Variants in YME1L1 observed in about 807,000 individuals in gnomAD.
YME1L1 encodes the protein ATP-dependent zinc metalloprotease YME1L1.
A neutral mutation model predicts 90.4 loss-of-function variants in YME1L1; 39 were observed. That is an observed-to-expected ratio of 0.43 (90% CI 0.33 to 0.56). The LOEUF is 0.56. Among genes scored for constraint, YME1L1 ranks in the 20% least tolerant of loss-of-function variants. The probability of loss-of-function intolerance (pLI) is 0.03; values close to 1 mark genes in which losing one functional copy is unlikely to be tolerated. For synonymous variants in YME1L1, 284 were observed against 287.3 expected (o/e 0.99, Z 0.12); for missense variants, 617 against 868.4 (o/e 0.71, Z 3.64).
At chr10:27,124,969 T>C (rs566271978) in intron 9 of YME1L1, among the ~76,000 whole-genome samples, 4 of 152,336 alleles carry the variant, frequency 2.6e-5, no homozygotes, top group African/African-American at 9.6e-5. Context: ...TGATATTAGC[T>C]AAAGTTATCA....
At chr10:27,137,023 CAA>C (rs35090363) in intron 4 of YME1L1, among the ~76,000 whole-genome samples, 5 of 136,396 alleles carry the variant, frequency 3.7e-5, no homozygotes, top group South Asian at 4.5e-4. Context: ...ACTGTGATTT[CAA>C]AAAAAAAAAA....
chr10:27,117,811 A>T, intron 14 of YME1L1, 84 bp from the exon 15 acceptor site: 1 of 1,393,256 alleles, frequency 7.2e-7, no homozygotes, highest in Non-Finnish European at 1.0e-6. Flanking sequence ...CAAATCAAAT[A>T]CACTCCACCC....
intron 4 of YME1L1, among the ~76,000 whole-genome samples, chr10:27,136,994 T>G (rs1006646820): frequency 7.5e-5 from 11 of 146,876 alleles, no homozygotes; most frequent in Non-Finnish European, 1.2e-4. Flanking sequence ...TTTAAAAAAC[T>G]GAGTATCAAC....
chr10:27,128,734 G>A (rs1476215741), intron 8 of YME1L1, among the ~76,000 whole-genome samples: 1 of 151,550 alleles, frequency 6.6e-6, no homozygotes, highest in Non-Finnish European at 1.5e-5. Context: ...GCTAAATCCC[G>A]ACTCTACAAA....
chr10:27,124,908 G>C (rs1424605203), intron 9 of YME1L1, among the ~76,000 whole-genome samples: 6 of 152,078 alleles, frequency 3.9e-5, no homozygotes, highest in Admixed American at 3.3e-4. Flanking sequence ...CATCACTTGG[G>C]TCCTTTCTAG....
chr10:27,126,761 T>C lies in YME1L1; in HGVS notation c.884A>G (p.Gln295Arg), dbSNP rs1244126311. 1.9e-6 allele frequency: 3 copies of C among 1,589,812 alleles called. No homozygotes were observed. The African/African-American group carries it at 4.1e-5, about 22-fold the overall frequency. ...ATTTTTCAAGAATTCAACAACTTCC[T>C]GTAATTCTTGTTTAGCTTCCTCCAC... Reference protein sequence around the residue: ...KGVEEAKQELQEVVEFLKNPQ... With the variant: ...KGVEEAKQELREVVEFLKNPQ... Residue 295 changes from glutamine to arginine, a missense_variant, in exon 9 of 19, where the codon CAG (glutamine) becomes CGG (arginine). Physicochemically the swap from Gln to Arg is conservative, Grantham distance 43. Coordinates refer to ENST00000376016, the MANE Select transcript of YME1L1 (RefSeq NM_014263.4).
chr10:27,140,071 C>T (rs1418092475), intron 4 of YME1L1, among the ~76,000 whole-genome samples: 1 of 152,014 alleles, frequency 6.6e-6, no homozygotes, highest in Non-Finnish European at 1.5e-5. Context: ...GCCATCTTGG[C>T]TCACTGAAAC....
In YME1L1 at chr10:27,114,512, T is replaced by A; in HGVS notation, c.2007+9A>T. On this transcript the variant is annotated intron_variant, in intron 18 of 18. Transcript: ENST00000376016. ...TAAGAAAATAAATAAGCACAAAAAA[T>A]ATTATTACCCTTAGAAGGATTCTTA... 1 of 1,600,768 alleles carries A rather than the reference T, an allele frequency of 6.2e-7. No individual in the cohort carries two copies. The highest frequency in any genetic ancestry group is 8.5e-7 in the Non-Finnish European group (1 of 1,175,416).
At chr10:27,150,859 C>T (rs527325924) in intron 1 of YME1L1, among the ~76,000 whole-genome samples, 3 of 151,820 alleles carry the variant, frequency 2.0e-5, no homozygotes, top group East Asian at 3.9e-4. Flanking sequence ...CTATGGAGTA[C>T]CCCATTCTTT....
At chr10:27,117,879 G>A (rs1468478477) in intron 14 of YME1L1, 152 bp from the exon 15 acceptor site, 14 of 710,780 alleles carry the variant, frequency 2.0e-5, no homozygotes, top group South Asian at 4.3e-5. Context: ...AAAACTATGG[G>A]GAAGAGGAAC....
Position 27,116,365 on chromosome 10 carries a change from T to C in YME1L1, c.1720-20A>G, listed in dbSNP as rs1564455205. On this transcript the variant is annotated intron_variant, in intron 15 of 18. Coordinates refer to ENST00000376016, the MANE Select transcript of YME1L1 (RefSeq NM_014263.4). ...GGACACCTAGACAATTAAAAATTAA[T>C]CAGATAAAAAATAAGCAAAGAGGCT... The C allele has an allele frequency of 6.2e-7, 1 of 1,611,776 alleles. No homozygotes were observed. Among genetic ancestry groups the C allele is most frequent in the East Asian group, 2.2e-5 (1 of 44,854 alleles).
At chr10:27,116,390 T>C in intron 15 of YME1L1, 45 bp from the exon 16 acceptor site, 1 of 1,602,340 alleles carries the variant, frequency 6.2e-7, no homozygotes, top group Non-Finnish European at 8.5e-7. Context: ...GCAAAGAGGC[T>C]GGGTGCGGTG....
chr10:27,140,527 G>A (rs772125431), intron 4 of YME1L1, among the ~76,000 whole-genome samples: 4 of 152,144 alleles, frequency 2.6e-5, no homozygotes, highest in South Asian at 4.1e-4. Flanking sequence ...TTGCCAGGCT[G>A]GAGTTCAGTG....
chr10:27,146,667 TATGACAGC>T (rs1420411905), intron 2 of YME1L1: 2 of 152,198 alleles, frequency 1.3e-5, no homozygotes, highest in African/African-American at 4.8e-5. Flanking sequence ...TGCAGTGAGC[TATGACAGC>T]ATCACTGCAC....
chr10:27,113,368 A>G (rs998475117), intron 18 of YME1L1, among the ~76,000 whole-genome samples: 3 of 151,022 alleles, frequency 2.0e-5, no homozygotes, highest in Non-Finnish European at 4.4e-5. Context: ...CTCAAATTCA[A>G]CATACATAAT....
chr10:27,140,150 C>T (rs900632626), intron 4 of YME1L1, among the ~76,000 whole-genome samples: 3 of 152,184 alleles, frequency 2.0e-5, no homozygotes, highest in Admixed American at 2.0e-4. Flanking sequence ...CAGGCATGTG[C>T]CACCACACCT....
intron 10 of YME1L1, 86 bp from the exon 11 acceptor site, chr10:27,123,059 C>T: frequency 6.8e-7 from 1 of 1,475,466 alleles, no homozygotes. Context: ...TCCTATACAA[C>T]TGTCAAAAGC....
chr10:27,129,342 T>C (rs1311112919), intron 8 of YME1L1: 3 of 152,072 alleles, frequency 2.0e-5, no homozygotes, highest in Non-Finnish European at 2.9e-5. Flanking sequence ...TCCAACAGGG[T>C]TCATAGCCAT....
intron 18 of YME1L1, among the ~76,000 whole-genome samples, chr10:27,113,447 G>C (rs1392980677): frequency 4.0e-5 from 6 of 151,486 alleles, no homozygotes; most frequent in Non-Finnish European, 8.8e-5. Flanking sequence ...GAGGTGGGTG[G>C]ATCGCCTGAG....
Sources: allele counts gnomAD v4.1 joint callset (sites outside exome capture counted in the v4.1 genomes callset), GRCh38; gene constraint gnomAD v4.1.1; transcripts MANE v1.5; gene names NCBI Gene and HGNC (gene_info 2026-07-23, HGNC 2026-07-21).